The following LIPA variants were observed in gnomAD, a reference collection of about 807,000 sequenced individuals.
The protein encoded by LIPA is lysosomal acid lipase/cholesteryl ester hydrolase.
In LIPA, 26 loss-of-function variants were observed where a neutral mutation model predicts 40.6. That is an observed-to-expected ratio of 0.64 (90% CI 0.47 to 0.89). LIPA has a LOEUF of 0.89. LIPA is among the 40% of genes least tolerant of loss of function. The pLI, the probability that LIPA is intolerant of heterozygous loss-of-function variation, is 0.00. For missense variants in LIPA, 455 were observed against 479.6 expected, an observed-to-expected ratio of 0.95 and a Z score of 0.48; for synonymous variants, 188 against 168.4, an observed-to-expected ratio of 1.12 and a Z score of -0.90.
chr10:89,273,746 A>C (rs1469067865), intron 1 of LIPA, among the ~76,000 whole-genome samples: 2 of 152,206 alleles, frequency 1.3e-5, no homozygotes, highest in Non-Finnish European at 2.9e-5. Flanking sequence ...TACAGCAAGA[A>C]GGCAGATTTG....
chr10:89,410,778 CA>C (rs992268794), intron 2 of LIPA, among the ~76,000 whole-genome samples: 1 of 152,164 alleles, frequency 6.6e-6, no homozygotes. Flanking sequence ...GCACGCGGTG[CA>C]AAAACCCAAG....
intron 1 of LIPA, among the ~76,000 whole-genome samples, chr10:89,302,848 G>A (rs537961739): frequency 6.6e-6 from 1 of 152,134 alleles, no homozygotes; most frequent in South Asian, 2.1e-4. Flanking sequence ...GGGGTGGCCG[G>A]ACCTGGTTGC....
chr10:89,216,111 C>A (rs986531711), intron 8 of LIPA, 102 bp from the exon 9 acceptor site: 6 of 788,976 alleles, frequency 7.6e-6, no homozygotes, highest in Non-Finnish European at 1.4e-5. Flanking sequence ...CAACTTTATA[C>A]CAATATCCAG....
At chr10:89,307,219 G>C (rs1589596307) in intron 1 of LIPA, 1 of 1,614,032 alleles carries the variant, frequency 6.2e-7, no homozygotes, top group East Asian at 2.2e-5. Flanking sequence ...TTGCCAAAAT[G>C]CGACTTTCTA....
chr10:89,398,479 A>T (rs1010118693), intron 2 of LIPA, among the ~76,000 whole-genome samples: 2 of 152,156 alleles, frequency 1.3e-5, no homozygotes, highest in Non-Finnish European at 2.9e-5. Context: ...CTGCTCTTAC[A>T]TTGCATACCT....
At chr10:89,229,270 T>C (rs1842809548) in intron 3 of LIPA, among the ~76,000 whole-genome samples, 1 of 152,120 alleles carries the variant, frequency 6.6e-6, no homozygotes, top group Non-Finnish European at 1.5e-5. Flanking sequence ...TATGACATGC[T>C]GGAAAAGACA....
chr10:89,279,857 G>A (rs1797717915), intron 1 of LIPA, among the ~76,000 whole-genome samples: 2 of 152,112 alleles, frequency 1.3e-5, no homozygotes, highest in Admixed American at 1.3e-4. Flanking sequence ...TTAAGACATG[G>A]TGTGAAGCAT....
At chr10:89,311,220 T>A (rs567276903) in intron 1 of LIPA, among the ~76,000 whole-genome samples, 1 of 152,174 alleles carries the variant, frequency 6.6e-6, no homozygotes, top group East Asian at 1.9e-4. Flanking sequence ...CATCAAGCAC[T>A]ACATTTAAAA....
At chr10:89,221,583 T>C (rs1393840739) in intron 8 of LIPA, among the ~76,000 whole-genome samples, 1 of 152,194 alleles carries the variant, frequency 6.6e-6, no homozygotes, top group Admixed American at 6.5e-5. Flanking sequence ...GAAATTACTA[T>C]TCAAGACACC....
chr10:89,369,817 G>C (rs1011249310), intron 2 of LIPA, among the ~76,000 whole-genome samples: 1 of 152,344 alleles, frequency 6.6e-6, no homozygotes, highest in Admixed American at 6.5e-5. Context: ...TGGATGGAAG[G>C]AAAGGCAGAG....
intron 1 of LIPA, among the ~76,000 whole-genome samples, chr10:89,321,625 T>G (rs1280007769): frequency 5.3e-5 from 8 of 152,266 alleles, no homozygotes; most frequent in African/African-American, 1.9e-4. Context: ...TTGGTAGGAC[T>G]GTAAACTAGT....
At chr10:89,341,706 A>G (rs1046320949) in intron 1 of LIPA, among the ~76,000 whole-genome samples, 5 of 152,168 alleles carry the variant, frequency 3.3e-5, no homozygotes, top group Admixed American at 6.5e-5. Flanking sequence ...AAAGGAGTTC[A>G]TCTCTCAGAA....
intron 1 of LIPA, among the ~76,000 whole-genome samples, chr10:89,300,227 T>C (rs1006866658): frequency 2.6e-5 from 4 of 152,146 alleles, no homozygotes; most frequent in African/African-American, 9.7e-5. Flanking sequence ...CTTTATCTCA[T>C]GGACATTGAG....
chr10:89,378,134 C>T (rs1304365122), intron 2 of LIPA: 18 of 1,613,844 alleles, frequency 1.1e-5, no homozygotes, highest in African/African-American at 2.7e-5. Context: ...CTTCATAGCA[C>T]CATGAGGTAA....
At chr10:89,308,166 T>C (rs1843494986) in intron 1 of LIPA, 1 of 152,204 alleles carries the variant, frequency 6.6e-6, no homozygotes. Flanking sequence ...CAACATAATG[T>C]ATTTCTTTAA....
At chr10:89,268,315 C>A (rs1435147856) in intron 1 of LIPA, among the ~76,000 whole-genome samples, 1 of 152,220 alleles carries the variant, frequency 6.6e-6, no homozygotes, top group African/African-American at 2.4e-5. Flanking sequence ...TGTCTAGGGA[C>A]ATCTCAAATT....
intron 3 of LIPA, among the ~76,000 whole-genome samples, chr10:89,235,364 G>C (rs1842892239): frequency 6.6e-6 from 1 of 152,174 alleles, no homozygotes. Flanking sequence ...AGAAGCCCTA[G>C]GAGGGCTGGG....
At chr10:89,215,200 C>A in intron 9 of LIPA, 139 bp from the exon 10 acceptor site, 1 of 719,348 alleles carries the variant, frequency 1.4e-6, no homozygotes, top group Middle Eastern at 3.1e-4. Flanking sequence ...CTTTGAGTAT[C>A]TTTTCAAGTT....
chr10:89,296,506 AG>A (rs374806531), intron 1 of LIPA, among the ~76,000 whole-genome samples: 23,921 of 137,528 alleles, frequency 0.17, 2,915 homozygotes, highest in East Asian at 0.62. Flanking sequence ...AAAAAAAAAA[AG>A]AAGAAGAAGA....
Sources: gnomAD v4.1 joint callset for allele counts (sites outside exome capture counted in the v4.1 genomes callset) on GRCh38, gnomAD v4.1.1 for gene constraint, MANE v1.5 for transcripts, NCBI Gene and HGNC (gene_info 2026-07-23, HGNC 2026-07-21) for gene names.